Variants in MAP3K12 observed in about 807,000 individuals in gnomAD.
MAP3K12 encodes mitogen-activated protein kinase kinase kinase 12, also known as MAPK-upstream kinase.
MAP3K12 carries 14 observed loss-of-function variants against 87.5 expected under a neutral mutation model. That is an observed-to-expected ratio of 0.16 (90% CI 0.11 to 0.25). The LOEUF is 0.25. MAP3K12 is among the 10% of genes least tolerant of loss of function. MAP3K12 has a pLI of 1.00. For synonymous variants in MAP3K12, 469 were observed against 452.5 expected (o/e 1.04, Z -0.46); for missense variants, 802 against 1,140.4 (o/e 0.70, Z 4.27).
At position 53,484,034 on chromosome 12, in the gene MAP3K12, G is replaced by A. The variant is rs765906567; in HGVS notation, c.1249-14C>T. 12 of 1,611,250 alleles carry A rather than the reference G, an allele frequency of 7.4e-6. No homozygotes were observed. The highest frequency in any genetic ancestry group is 1.6e-4 in the Middle Eastern group (1 of 6,064). ...CCGCCACTCTGCCTATGGGTTGAGAGCAGATGAAGAGTGAGAGCCATCCCT... is the reference window on the plus strand; with the variant it reads ...CCGCCACTCTGCCTATGGGTTGAGAACAGATGAAGAGTGAGAGCCATCCCT... On this transcript the variant is annotated splice_polypyrimidine_tract_variant and intron_variant, in intron 7 of 13. Coordinates refer to ENST00000547488, the MANE Select transcript of MAP3K12 (RefSeq NM_001193511.2).
At position 53,484,314 on chromosome 12, in the gene MAP3K12, C is replaced by T; in HGVS notation, c.1191G>A (p.Leu397=). Reference sequence around the variant, plus strand: ...AGAGTACATCAGCTGAGGCAATGTCCAGATGCAGCAGGATCTGTCGGAATG... The same window carrying T: ...AGAGTACATCAGCTGAGGCAATGTCTAGATGCAGCAGGATCTGTCGGAATG... The part of the protein sequence containing the change: ...RPSFRQILLH[L]DIASADVLST... The change falls in exon 7 of 14, where the codon CTG becomes CTA. Residue 397 remains leucine (L), a synonymous_variant. Transcript: ENST00000547488. The T allele has an allele frequency of 6.2e-7, 1 of 1,614,156 alleles. No individual in the cohort carries two copies. The highest frequency in any genetic ancestry group is 8.5e-7 in the Non-Finnish European group (1 of 1,180,028).
In MAP3K12 at chr12:53,482,855, C is replaced by T. The variant is rs775127114; in HGVS notation, c.1948G>A (p.Ala650Thr). The T allele has an allele frequency of 1.2e-6, 2 of 1,612,736 alleles. No homozygotes were observed. Among genetic ancestry groups the T allele is most frequent in the South Asian group, 2.2e-5 (2 of 90,946 alleles). The change falls in exon 11 of 14, where the codon GCA (alanine) becomes ACA (threonine). Residue 650 changes from alanine (A) to threonine (T), a missense_variant. By Grantham distance (58) the Ala-to-Thr change is moderately conservative. Transcript: ENST00000547488. ...SSSSPDLLSA[A>T]LGSRGRGATG... ...GCCCCCCGGCCCCGGGACCCTAGTG[C>T]TGCTGACAGCAGGTCTGGGGACGAT...
At chr12:53,490,905 T>C (rs1943380226) in intron 1 of MAP3K12, among the ~76,000 whole-genome samples, 1 of 151,930 alleles carries the variant, frequency 6.6e-6, no homozygotes, top group African/African-American at 2.4e-5. Context: ...AGCGAGACCT[T>C]GTCACAAAAG....
rs145133649 is a variant in MAP3K12 at position 53,490,562 on chromosome 12, G to C, written c.-37-3134C>G. Among the ~76,000 whole-genome samples the C allele has an allele frequency of 7.6e-4, 115 of 152,124 alleles. 3 individuals are homozygous for C. In the East Asian group the frequency reaches 0.019, roughly 25 times the overall value. On this transcript the variant is annotated intron_variant, in intron 1 of 13. Coordinates refer to ENST00000547488, the MANE Select transcript of MAP3K12 (RefSeq NM_001193511.2). Reference sequence around the variant, plus strand: ...AGATCGAGACCATGCTGGCTAACACGGTGAAACCCTGTCTACTAAAAAATA... The same window carrying C: ...AGATCGAGACCATGCTGGCTAACACCGTGAAACCCTGTCTACTAAAAAATA...
upstream of MAP3K12, chr12:53,501,433 G>A (rs867774226): frequency 2.5e-6 from 4 of 1,568,876 alleles, no homozygotes; most frequent in Admixed American, 1.9e-5. Context: ...GCAAGGCTCC[G>A]GCACTACCAC....
intron 1 of MAP3K12, chr12:53,493,772 G>A (rs1943480561): frequency 6.6e-6 from 1 of 152,176 alleles, no homozygotes; most frequent in South Asian, 2.1e-4. Context: ...TAGAAAGGGT[G>A]ACATGCTCAG....
chr12:53,501,086 C>T, upstream of MAP3K12: 5 of 391,796 alleles, frequency 1.3e-5, no homozygotes, highest in South Asian at 5.6e-5. Context: ...AGAGAGGGGG[C>T]GCGGAAGGAA....
intron 4 of MAP3K12, chr12:53,485,826 G>T: frequency 1.8e-6 from 1 of 556,154 alleles, no homozygotes; most frequent in Non-Finnish European, 3.1e-6. Context: ...AAAGTGTTGG[G>T]ATTACAGGCG....
intron 1 of MAP3K12, among the ~76,000 whole-genome samples, chr12:53,498,524 C>T (rs979982058): frequency 6.6e-6 from 1 of 152,130 alleles, no homozygotes; most frequent in Non-Finnish European, 1.5e-5. Flanking sequence ...AGGGACACCT[C>T]ACTGTTTCCT....
chr12:53,481,278 G>GC lies in MAP3K12; in HGVS notation c.2582dup (p.Pro863SerfsTer4), dbSNP rs1943029017. The stretch of plus-strand genomic sequence containing the variant: ...AGTCTGAGTCCTCAGAATTGGGAGG[G>GC]CCCTGTGAGAAAGAGTAGAAATGGA... On this transcript the variant is annotated frameshift_variant and splice_region_variant, in exon 14 of 14. Transcript: ENST00000547488. LOFTEE classifies it high-confidence loss of function. 1 of 1,541,860 alleles carries GC rather than the reference G, an allele frequency of 6.5e-7. No homozygotes were observed. The highest frequency in any genetic ancestry group is 2.5e-5 in the East Asian group (1 of 40,054).
chr12:53,484,562 A>G, intron 6 of MAP3K12, 197 bp from the exon 7 acceptor site: 1 of 547,240 alleles, frequency 1.8e-6, no homozygotes, highest in South Asian at 2.4e-5. Flanking sequence ...CAGTAAGGAA[A>G]CCTATTGAAC....
At chr12:53,501,029 C>G (rs1943676841), upstream of MAP3K12, 2 of 250,484 alleles carry the variant, frequency 8.0e-6, no homozygotes, top group Non-Finnish European at 1.6e-5. Context: ...CCCTACCCAG[C>G]GGCTTCCCCT....
Position 53,498,995 on chromosome 12 carries a change from T to A in MAP3K12, c.-38+432A>T. Among the ~76,000 whole-genome samples the A allele has an allele frequency of 1.9e-5, 2 of 104,146 alleles. 1 individual carries two copies. The highest frequency in any genetic ancestry group is 4.9e-4 in the East Asian group (2 of 4,042). 68.3% of individuals were successfully genotyped at this position (104,146 alleles called of 152,430 possible). On this transcript the variant is annotated intron_variant, in intron 1 of 13. Coordinates refer to ENST00000547488, the MANE Select transcript of MAP3K12 (RefSeq NM_001193511.2). ...GTGTGTGTGTGTGTGTGTGTGTGTG[T>A]GTGTGTGTGGAGATGGTGGGTATAT... is the stretch of plus-strand genomic sequence containing the variant.
intron 1 of MAP3K12, chr12:53,493,144 G>A (rs1943462079): frequency 6.6e-6 from 1 of 152,528 alleles, no homozygotes; most frequent in Non-Finnish European, 1.5e-5. Context: ...GCGTAACCAT[G>A]ACGACTGGGC....
chr12:53,481,841 C>G (rs896660980), intron 13 of MAP3K12, 100 bp downstream of exon 13: 6 of 1,428,062 alleles, frequency 4.2e-6, no homozygotes, highest in Non-Finnish European at 5.7e-6. Context: ...ATGGTACTTT[C>G]TGGCCTGTGC....
chr12:53,483,060 G>A lies in MAP3K12; in HGVS notation c.1743C>T (p.Arg581=), dbSNP rs925794659. The part of the protein sequence containing the change: ...GRSRRGKTRH[R]KASAKGSCGD... Reference sequence around the variant, plus strand: ...CACAGCTCCCCTTGGCGCTGGCCTTGCGGTGACGGGTCTTGCCACGGCGAC... The same window carrying A: ...CACAGCTCCCCTTGGCGCTGGCCTTACGGTGACGGGTCTTGCCACGGCGAC... Residue 581 remains arginine (R), a synonymous_variant, in exon 11 of 14, where the codon CGC becomes CGT. Coordinates refer to ENST00000547488, the MANE Select transcript of MAP3K12 (RefSeq NM_001193511.2). 5.8e-6 allele frequency: 9 copies of A among 1,544,528 alleles called. No homozygotes were observed. The highest frequency in any genetic ancestry group is 1.2e-5 in the South Asian group (1 of 80,896).
In MAP3K12 at chr12:53,498,724, G is replaced by C. The variant is rs560741822; in HGVS notation, c.-38+703C>G. ...CCAGAGGAGATGGAGAGAAAGAGGA[G>C]GGAGAAACCCACACGTGAATGGGGG... On this transcript the variant is annotated intron_variant, in intron 1 of 13. Coordinates refer to ENST00000547488, the MANE Select transcript of MAP3K12 (RefSeq NM_001193511.2). Among the ~76,000 whole-genome samples the C allele has an allele frequency of 2.0e-5, 3 of 152,186 alleles. No homozygotes were observed. The South Asian group carries it at 6.2e-4, about 32-fold the overall frequency.
In MAP3K12 at chr12:53,487,333, G is replaced by A; in HGVS notation, c.59C>T (p.Thr20Ile). The change falls in exon 2 of 14, where the codon ACC becomes ATC. Residue 20 changes from threonine to isoleucine, a missense_variant. By Grantham distance (89) the Thr-to-Ile change is moderately conservative. Transcript: ENST00000547488. ...PSPSFGGFVS[T>I]LSEASMRKLD... The stretch of plus-strand genomic sequence containing the variant: ...CTTGCGCATGGATGCCTCACTTAGG[G>A]TAGACACAAAGCCCCCAAAGGAAGG... 6.2e-7 allele frequency: 1 copy of A among 1,614,000 alleles called. No homozygotes were observed. The highest frequency in any genetic ancestry group is 8.5e-7 in the Non-Finnish European group (1 of 1,179,964).
upstream of MAP3K12, chr12:53,501,526 C>T: frequency 1.3e-6 from 2 of 1,547,622 alleles, no homozygotes; most frequent in South Asian, 1.2e-5. Context: ...GGAGTAGCGG[C>T]GCGGCCCCAG....
Sources: allele counts gnomAD v4.1 joint callset (sites outside exome capture counted in the v4.1 genomes callset), GRCh38; gene constraint gnomAD v4.1.1; transcripts MANE v1.5; gene names NCBI Gene and HGNC (gene_info 2026-07-23, HGNC 2026-07-21).